Variants in FBLN7 observed in about 807,000 individuals in gnomAD.
The protein encoded by FBLN7 is fibulin 7.
In FBLN7, 31 loss-of-function variants were observed where a neutral mutation model predicts 44.0. That is an observed-to-expected ratio of 0.70 (90% CI 0.53 to 0.95). The LOEUF (loss-of-function observed/expected upper bound fraction) is 0.95. FBLN7 is among the 40% of genes least tolerant of loss of function. The pLI is 0.00. For synonymous variants in FBLN7, 262 were observed against 253.4 expected (o/e 1.03, Z -0.32); for missense variants, 573 against 618.5 (o/e 0.93, Z 0.78).
At chr2:112,190,036 A>G (rs1338230285), downstream of FBLN7, 4 of 152,212 alleles carry the variant, frequency 2.6e-5, no homozygotes, top group African/African-American at 9.6e-5. Context: ...ACACTTCAGC[A>G]TATATTGGAA....
chr2:112,218,501 C>CACAA, the FBLN7 span, among the ~76,000 whole-genome samples: 1 of 152,306 alleles, frequency 6.6e-6, no homozygotes, highest in African/African-American at 2.4e-5. Context: ...TATTTCTACA[C>CACAA]ACAAACAATG....
chr2:112,187,929 CG>C lies in FBLN7; in HGVS notation c.*429del. 4.4e-6 allele frequency: 1 copy of C among 228,930 alleles called. No individual in the cohort carries two copies. Among genetic ancestry groups the C allele is most frequent in the Non-Finnish European group, 8.5e-6 (1 of 117,348 alleles). 14.2% of individuals were successfully genotyped at this position (228,930 alleles called of 1,614,324 possible). ...TATGAATGAAACGGTTCTAGTCGTGCGGGGGGCCCTAGTCATGCCTCTGCGC... is the reference window on the plus strand; with the variant it reads ...TATGAATGAAACGGTTCTAGTCGTGCGGGGGCCCTAGTCATGCCTCTGCGC... On this transcript the variant is annotated 3_prime_UTR_variant, in exon 8 of 8. Transcript: ENST00000331203. This position sits in a 1 kb window ranked among gnomAD's most constrained non-coding sequence, Gnocchi z 5.1.
the FBLN7 span, among the ~76,000 whole-genome samples, chr2:112,216,683 CAAA>C: frequency 3.3e-5 from 4 of 121,020 alleles, no homozygotes; most frequent in African/African-American, 3.0e-5. Flanking sequence ...AGAACTGAAG[CAAA>C]AAAAAAAAAA....
the FBLN7 span, among the ~76,000 whole-genome samples, chr2:112,243,668 G>T: frequency 1.3e-5 from 2 of 152,120 alleles, no homozygotes; most frequent in Non-Finnish European, 2.9e-5. Context: ...CTGTGTTGTG[G>T]AAACTTGTTT....
chr2:112,212,054 A>G, the FBLN7 span: 1 of 152,326 alleles, frequency 6.6e-6, no homozygotes, highest in African/African-American at 2.4e-5. Flanking sequence ...GGCTTAAACA[A>G]CACTTACTCC....
Position 112,175,560 on chromosome 2 carries a change from C to T in FBLN7, c.407-154C>T, listed in dbSNP as rs192580363. On this transcript the variant is annotated intron_variant, in intron 3 of 7. Coordinates refer to ENST00000331203, the MANE Select transcript of FBLN7 (RefSeq NM_153214.3). The stretch of plus-strand genomic sequence containing the variant: ...CCCATCGGCCCCCTGGCAGCTCTTG[C>T]GGGTGGAGAGGGTGGAAAGAGTGGG... Among the ~76,000 whole-genome samples the T allele has an allele frequency of 8.5e-5, 13 of 152,226 alleles. No homozygotes were observed. The East Asian group carries it at 2.3e-3, about 27-fold the overall frequency.
chr2:112,168,540 GA>G (rs1264195922), intron 3 of FBLN7, among the ~76,000 whole-genome samples: 2 of 152,218 alleles, frequency 1.3e-5, no homozygotes, highest in African/African-American at 2.4e-5. Context: ...GAATTGATGT[GA>G]TTCATGGTTG....
chr2:112,187,902 G>T lies in FBLN7; in HGVS notation c.*396G>T. On this transcript the variant is annotated 3_prime_UTR_variant, in exon 8 of 8. Transcript: ENST00000331203. The surrounding 1 kb of genome is among the most constrained non-coding windows in gnomAD (Gnocchi z 5.1). Reference sequence around the variant, plus strand: ...CTTCTGCCTTTTTGTAGCCAGGCTTGCTATGAATGAAACGGTTCTAGTCGT... The same window carrying T: ...CTTCTGCCTTTTTGTAGCCAGGCTTTCTATGAATGAAACGGTTCTAGTCGT... 3.3e-6 allele frequency: 1 copy of T among 300,666 alleles called. No homozygotes were observed. The highest frequency in any genetic ancestry group is 6.1e-6 in the Non-Finnish European group (1 of 162,786). The allele number at this position is 300,666 out of a possible 1,614,324, so 18.6% of individuals were successfully genotyped here.
chr2:112,187,488 A>G lies in FBLN7; in HGVS notation c.1302A>G (p.Val434=). The G allele has an allele frequency of 1.9e-6, 3 of 1,614,102 alleles. No individual in the cohort carries two copies. Among genetic ancestry groups the G allele is most frequent in the Non-Finnish European group, 2.5e-6 (3 of 1,180,012 alleles). ...ACGTGTCCAAGGTCACCATCTTTGT[A>G]TCCCCCTATGACTTCTGAGGGTACA... ...ANHVSKVTIF[V]SPYDF Residue 434 remains valine, a synonymous_variant, in exon 8 of 8, where the codon GTA becomes GTG. Coordinates refer to ENST00000331203, the MANE Select transcript of FBLN7 (RefSeq NM_153214.3). This position sits in a 1 kb window ranked among gnomAD's most constrained non-coding sequence, Gnocchi z 5.1.
chr2:112,165,264 C>A, intron 3 of FBLN7, 93 bp downstream of exon 3: 2 of 1,445,154 alleles, frequency 1.4e-6, no homozygotes, highest in Non-Finnish European at 1.9e-6. Flanking sequence ...GGAACATTTT[C>A]TGCTTGGTTC....
intron 1 of FBLN7, among the ~76,000 whole-genome samples, chr2:112,154,242 C>T (rs974366975): frequency 1.3e-5 from 2 of 152,182 alleles, no homozygotes; most frequent in Admixed American, 6.5e-5. Flanking sequence ...GGAAACTATT[C>T]GTCATTATTT....
chr2:112,182,074 C>A, intron 5 of FBLN7, 198 bp downstream of exon 5: 2 of 680,314 alleles, frequency 2.9e-6, no homozygotes, highest in Non-Finnish European at 4.6e-6. Flanking sequence ...AATCAGAGCT[C>A]GCCCCGCCTC....
the FBLN7 span, chr2:112,212,172 C>T: frequency 6.6e-6 from 1 of 152,254 alleles, no homozygotes; most frequent in South Asian, 2.1e-4. Flanking sequence ...GCCGTGTCCT[C>T]ACATGGTGGA....
chr2:112,145,683 T>C (rs1210177701), intron 1 of FBLN7, among the ~76,000 whole-genome samples: 1 of 152,240 alleles, frequency 6.6e-6, no homozygotes, highest in African/African-American at 2.4e-5. Context: ...TTTACATTTT[T>C]ATTATGACCC....
the FBLN7 span, chr2:112,236,745 T>C: frequency 6.6e-7 from 1 of 1,514,520 alleles, no homozygotes; most frequent in East Asian, 2.4e-5. Context: ...ACAATAGCAG[T>C]TTACTTTTAA....
At chr2:112,159,284 C>T (rs1276726782) in intron 1 of FBLN7, among the ~76,000 whole-genome samples, 1 of 151,284 alleles carries the variant, frequency 6.6e-6, no homozygotes, top group East Asian at 1.9e-4. Flanking sequence ...TATTATTGGC[C>T]CTTTGCTTTT....
Position 112,182,822 on chromosome 2 carries a change from G to A in FBLN7, c.702G>A (p.Glu234=), listed in dbSNP as rs1266550944. ...DVNECELYGQ[E]GRPRLCMHAC... ...ACGAGTGTGAGCTCTACGGGCAGGAGGGGCGCCCCCGGCTCTGCATGCACG... is the reference window on the plus strand; with the variant it reads ...ACGAGTGTGAGCTCTACGGGCAGGAAGGGCGCCCCCGGCTCTGCATGCACG... Residue 234 remains glutamate, a synonymous_variant, in exon 6 of 8, where the codon GAG becomes GAA. Coordinates refer to ENST00000331203, the MANE Select transcript of FBLN7 (RefSeq NM_153214.3). The A allele has an allele frequency of 1.2e-6, 2 of 1,610,304 alleles. No homozygotes were observed. Among genetic ancestry groups the A allele is most frequent in the East Asian group, 2.2e-5 (1 of 44,704 alleles).
At chr2:112,160,147 C>A (rs375841952) in intron 2 of FBLN7, among the ~76,000 whole-genome samples, 1 of 152,116 alleles carries the variant, frequency 6.6e-6, no homozygotes, top group African/African-American at 2.4e-5. Context: ...CCCGCCACCA[C>A]GCCCGGCTAA....
chr2:112,233,420 G>T, the FBLN7 span: 2 of 1,236,594 alleles, frequency 1.6e-6, no homozygotes, highest in East Asian at 2.5e-5. Context: ...TCATAGTCAA[G>T]TCATTATGAT....
Sources: allele counts gnomAD v4.1 joint callset (sites outside exome capture counted in the v4.1 genomes callset), GRCh38; gene constraint gnomAD v4.1.1; non-coding constraint Gnocchi (gnomAD v3.1); transcripts MANE v1.5; gene names NCBI Gene and HGNC (gene_info 2026-07-23, HGNC 2026-07-21).